The following NAALADL2 variants were observed in gnomAD, a reference collection of about 807,000 sequenced individuals.
NAALADL2 encodes inactive N-acetylated-alpha-linked acidic dipeptidase-like protein 2.
Under a neutral mutation model 87.2 loss-of-function variants are expected in NAALADL2, and 76 were observed. The ratio of observed to expected loss-of-function variants is 0.87; its 90% confidence interval spans 0.72 to 1.05. NAALADL2 has a LOEUF of 1.05. Ranked by LOEUF, NAALADL2 falls within the 50% of genes least tolerant of loss-of-function variation. NAALADL2 has a pLI of 0.00. For missense variants in NAALADL2, 1,089 were observed against 945.8 expected, an observed-to-expected ratio of 1.15 and a Z score of -1.99; for synonymous variants, 354 against 331.0, an observed-to-expected ratio of 1.07 and a Z score of -0.75.
chr3:174,941,460 A>G (rs926515152), intron 1 of NAALADL2, among the ~76,000 whole-genome samples: 1 of 152,092 alleles, frequency 6.6e-6, no homozygotes, highest in African/African-American at 2.4e-5. Flanking sequence ...TGATGAGAAG[A>G]GTATATATTC....
chr3:174,731,966 G>A (rs1732743169), intron 2 of NAALADL2, among the ~76,000 whole-genome samples: 2 of 152,054 alleles, frequency 1.3e-5, no homozygotes, highest in Non-Finnish European at 1.5e-5. Flanking sequence ...GTTATAGCAG[G>A]AAAGCCACCA....
chr3:175,528,892 C>T (rs963151643), intron 9 of NAALADL2, among the ~76,000 whole-genome samples: 2 of 152,168 alleles, frequency 1.3e-5, no homozygotes, highest in Admixed American at 1.3e-4. Context: ...CAATTACCAT[C>T]CTTGTTTATG....
At chr3:174,637,530 G>T (rs1404391889) in intron 2 of NAALADL2, among the ~76,000 whole-genome samples, 1 of 151,604 alleles carries the variant, frequency 6.6e-6, no homozygotes, top group Non-Finnish European at 1.5e-5. Context: ...AGCAATAAAA[G>T]GATTTTTAGC....
At position 175,755,207 on chromosome 3, in the gene NAALADL2, T is replaced by C; in HGVS notation, c.1991-13T>C. ...AATGTCTCTTCTGAGATGGGCTCAT[T>C]TATCTTCACCAGGTGATCAACCCAA... On this transcript the variant is annotated splice_polypyrimidine_tract_variant and intron_variant, in intron 12 of 13. Transcript: ENST00000454872. 1 of 1,602,204 alleles carries C rather than the reference T, an allele frequency of 6.2e-7. No homozygotes were observed.
At chr3:175,201,870 G>A (rs1580902689) in intron 2 of NAALADL2, among the ~76,000 whole-genome samples, 1 of 151,860 alleles carries the variant, frequency 6.6e-6, no homozygotes, top group South Asian at 2.1e-4. Flanking sequence ...TTTGGAGGAG[G>A]TAGTGGGATT....
At chr3:175,375,780 A>T (rs563957148) in intron 5 of NAALADL2, among the ~76,000 whole-genome samples, 1 of 152,076 alleles carries the variant, frequency 6.6e-6, no homozygotes, top group South Asian at 2.1e-4. Flanking sequence ...TTTGCCTCAC[A>T]TTTACCGTAT....
intron 4 of NAALADL2, among the ~76,000 whole-genome samples, chr3:175,264,580 G>C (rs1751612765): frequency 6.6e-6 from 1 of 151,454 alleles, no homozygotes. Context: ...TTTGATCTTT[G>C]AGTTAAACAG....
intron 3 of NAALADL2, among the ~76,000 whole-genome samples, chr3:174,823,356 GC>G (rs1296446119): frequency 2.0e-5 from 3 of 151,384 alleles, no homozygotes; most frequent in Non-Finnish European, 4.4e-5. Flanking sequence ...AGGATTTTTT[GC>G]CAATCTACAT....
At chr3:175,526,543 T>A (rs1029387444) in intron 9 of NAALADL2, among the ~76,000 whole-genome samples, 9 of 152,110 alleles carry the variant, frequency 5.9e-5, no homozygotes, top group Non-Finnish European at 1.3e-4. Flanking sequence ...TATCTGTAGG[T>A]CAAAGTGTGT....
chr3:174,880,569 A>C (rs147804725), intron 1 of NAALADL2, among the ~76,000 whole-genome samples: 36 of 152,100 alleles, frequency 2.4e-4, no homozygotes, highest in African/African-American at 8.7e-4. Flanking sequence ...GCATCTCTCA[A>C]CACAGACTCA....
intron 3 of NAALADL2, among the ~76,000 whole-genome samples, chr3:174,773,295 TTCC>T (rs1324667972): frequency 5.9e-5 from 9 of 152,150 alleles, no homozygotes; most frequent in Non-Finnish European, 2.9e-5. Flanking sequence ...ACTTTTCTCT[TTCC>T]TGTTGTTAGT....
At chr3:175,044,757 A>G (rs1225358740) in intron 1 of NAALADL2, among the ~76,000 whole-genome samples, 1 of 152,150 alleles carries the variant, frequency 6.6e-6, no homozygotes, top group Non-Finnish European at 1.5e-5. Context: ...TCTTAAAAGT[A>G]TCAAAGTCTT....
chr3:174,775,026 CA>C (rs1331234571), intron 3 of NAALADL2, among the ~76,000 whole-genome samples: 7 of 151,960 alleles, frequency 4.6e-5, no homozygotes, highest in African/African-American at 1.7e-4. Context: ...CATGTCTTCG[CA>C]CAGTTCCTGA....
chr3:175,699,586 G>A (rs76796451), intron 11 of NAALADL2, among the ~76,000 whole-genome samples: 4 of 152,064 alleles, frequency 2.6e-5, no homozygotes, highest in East Asian at 3.9e-4. Flanking sequence ...TCACTTCTCC[G>A]ATTATTTTCT....
At chr3:174,585,164 T>C (rs1267650449) in intron 2 of NAALADL2, among the ~76,000 whole-genome samples, 1 of 152,138 alleles carries the variant, frequency 6.6e-6, no homozygotes, top group Non-Finnish European at 1.5e-5. Flanking sequence ...AGCTGTACTG[T>C]AATAGACATA....
At chr3:174,449,586 G>GTCAAAT (rs1715327757) in intron 1 of NAALADL2, among the ~76,000 whole-genome samples, 3 of 152,144 alleles carry the variant, frequency 2.0e-5, no homozygotes, top group Non-Finnish European at 4.4e-5. Context: ...CAGTATAAAT[G>GTCAAAT]TATTGTCAAA....
intron 1 of NAALADL2, among the ~76,000 whole-genome samples, chr3:175,031,682 G>C (rs946178346): frequency 2.0e-5 from 3 of 152,006 alleles, no homozygotes; most frequent in African/African-American, 7.2e-5. Flanking sequence ...TTAGTTCTTT[G>C]AGAAGTCTCC....
chr3:174,862,760 G>A (rs778458772), intron 1 of NAALADL2, among the ~76,000 whole-genome samples: 1 of 152,154 alleles, frequency 6.6e-6, no homozygotes, highest in African/African-American at 2.4e-5. Flanking sequence ...GAATCTTTAA[G>A]TTACGCCTCC....
chr3:175,353,568 G>T (rs759271262), intron 5 of NAALADL2, among the ~76,000 whole-genome samples: 1 of 152,150 alleles, frequency 6.6e-6, no homozygotes, highest in African/African-American at 2.4e-5. Context: ...AGATCACAAG[G>T]AGACCAAATA....
Sources: allele counts gnomAD v4.1 joint callset (sites outside exome capture counted in the v4.1 genomes callset), GRCh38; gene constraint gnomAD v4.1.1; transcripts MANE v1.5; gene names NCBI Gene and HGNC (gene_info 2026-07-23, HGNC 2026-07-21).